The following UBR2 variants were observed in gnomAD, a reference collection of about 807,000 sequenced individuals.
UBR2 encodes the protein E3 ubiquitin-protein ligase UBR2.
Under a neutral mutation model 247.9 loss-of-function variants are expected in UBR2, and 92 were observed. The ratio of observed to expected loss-of-function variants is 0.37; its 90% CI spans 0.31 to 0.44. The LOEUF is 0.44. UBR2 is among the 20% of genes least tolerant of loss of function. UBR2 has a pLI of 1.00. For missense variants in UBR2, 1,613 were observed against 2,112.6 expected, an observed-to-expected ratio of 0.76 and a Z score of 4.64; for synonymous variants, 672 against 693.5, an observed-to-expected ratio of 0.97 and a Z score of 0.49.
rs745626813 is a variant in UBR2 at position 42,691,204 on chromosome 6, AT to A, written c.*38del. On this transcript the variant is annotated 3_prime_UTR_variant, in exon 47 of 47. Coordinates refer to ENST00000372901, the MANE Select transcript of UBR2 (RefSeq NM_001363705.2). Reference sequence around the variant, plus strand: ...GCACCACCAAAAAACACAAACTTGGATTTTTTTAACCCAGTTGGCTTTTTAA... The same window carrying A: ...GCACCACCAAAAAACACAAACTTGGATTTTTTAACCCAGTTGGCTTTTTAA... The A allele has an allele frequency of 6.2e-7, 1 of 1,605,886 alleles. No individual in the cohort carries two copies. Among genetic ancestry groups the A allele is most frequent in the Non-Finnish European group, 8.5e-7 (1 of 1,178,232 alleles).
intron 3 of UBR2, 87 bp downstream of exon 3, chr6:42,592,316 C>T: frequency 9.3e-7 from 1 of 1,076,800 alleles, no homozygotes; most frequent in Non-Finnish European, 1.3e-6. Context: ...AAAGATTTAA[C>T]ACTAAAATGG....
chr6:42,572,266 A>G (rs1350774097), intron 1 of UBR2, among the ~76,000 whole-genome samples: 1 of 152,160 alleles, frequency 6.6e-6, no homozygotes, highest in Non-Finnish European at 1.5e-5. Flanking sequence ...TATGAACAAA[A>G]TTTTTACATT....
At chr6:42,564,755 G>A (rs1453605090) in intron 1 of UBR2, among the ~76,000 whole-genome samples, 2 of 152,150 alleles carry the variant, frequency 1.3e-5, no homozygotes, top group African/African-American at 4.8e-5. Flanking sequence ...CGCTTCTTGT[G>A]TTTTTGGTAT....
intron 34 of UBR2, among the ~76,000 whole-genome samples, chr6:42,667,585 G>GTTTTTT (rs201449841): frequency 3.5e-5 from 1 of 28,966 alleles, no homozygotes; most frequent in African/African-American, 1.4e-4. Context: ...GTACAGTTTT[G>GTTTTTT]TCTTTTTTTT....
At chr6:42,581,045 G>C (rs1386888603) in intron 2 of UBR2, among the ~76,000 whole-genome samples, 1 of 75,234 alleles carries the variant, frequency 1.3e-5, no homozygotes, top group East Asian at 4.0e-4. Flanking sequence ...ACAGGGTTTT[G>C]CTCTATTGAC....
At chr6:42,640,069 A>G (rs1401671364) in intron 15 of UBR2, 140 bp from the exon 16 acceptor site, 5 of 664,498 alleles carry the variant, frequency 7.5e-6, no homozygotes, top group Non-Finnish European at 1.0e-5. Context: ...AATATAGATC[A>G]TTTTCTATCT....
chr6:42,667,320 A>AC (rs1798161720), intron 34 of UBR2, among the ~76,000 whole-genome samples: 1 of 151,366 alleles, frequency 6.6e-6, no homozygotes, highest in Non-Finnish European at 1.5e-5. Flanking sequence ...TGGGCGACAG[A>AC]CCAAGACCCT....
chr6:42,653,606 CTTTTTTTTT>C (rs72460060), intron 25 of UBR2, among the ~76,000 whole-genome samples: 1 of 50,582 alleles, frequency 2.0e-5, no homozygotes, highest in African/African-American at 9.0e-5. Flanking sequence ...ATGCTAAGCC[CTTTTTTTTT>C]TTTTTTTTTT....
In UBR2 at chr6:42,573,761, A is replaced by G; in HGVS notation, c.106A>G (p.Arg36Gly). Reference sequence around the variant, plus strand: ...ATGGCTGCAAGCAACTGACCTCACTAGAGAAGTGTACCAGCATTTAGCCCA... The same window carrying G: ...ATGGCTGCAAGCAACTGACCTCACTGGAGAAGTGTACCAGCATTTAGCCCA... ...GKWLQATDLT[R>G]EVYQHLAHYV... The change falls in exon 2 of 47, where the codon AGA becomes GGA. Residue 36 changes from arginine (R) to glycine (G), a missense_variant. By Grantham distance (125) the Arg-to-Gly change is moderately radical. Coordinates refer to ENST00000372901, the MANE Select transcript of UBR2 (RefSeq NM_001363705.2). 2 of 1,590,924 alleles carry G rather than the reference A, an allele frequency of 1.3e-6. No individual in the cohort carries two copies. The highest frequency in any genetic ancestry group is 1.7e-6 in the Non-Finnish European group (2 of 1,166,298).
At chr6:42,684,276 T>C (rs1218583617) in intron 43 of UBR2, among the ~76,000 whole-genome samples, 2 of 152,138 alleles carry the variant, frequency 1.3e-5, no homozygotes, top group Non-Finnish European at 2.9e-5. Context: ...GATTTTGATA[T>C]GATTAAGAAC....
rs1159309881 is a variant in UBR2, at chr6:42,684,780, TC to T, written c.4776-13del. The T allele has an allele frequency of 1.3e-6, 2 of 1,593,168 alleles. No individual in the cohort carries two copies. Among genetic ancestry groups the T allele is most frequent in the Non-Finnish European group, 1.7e-6 (2 of 1,166,332 alleles). ...AATTAATGGAGTGTTCTTTAATTTT[TC>T]TCTTTTTTTCAGATATCCAAGAGAA... On this transcript the variant is annotated splice_polypyrimidine_tract_variant and intron_variant, in intron 43 of 46. Coordinates refer to ENST00000372901, the MANE Select transcript of UBR2 (RefSeq NM_001363705.2).
At chr6:42,671,322 A>G (rs748006844) in intron 36 of UBR2, among the ~76,000 whole-genome samples, 2 of 151,910 alleles carry the variant, frequency 1.3e-5, no homozygotes, top group Non-Finnish European at 2.9e-5. Flanking sequence ...AGTTGGGAAG[A>G]TCACTGGAGC....
intron 10 of UBR2, chr6:42,617,127 T>C (rs539540817): frequency 2.4e-5 from 20 of 834,242 alleles, no homozygotes; most frequent in African/African-American, 2.2e-4. Flanking sequence ...ATTCCAGTTA[T>C]TGTTCTCATA....
intron 11 of UBR2, among the ~76,000 whole-genome samples, chr6:42,631,860 T>TTTTATATATATATA (rs1795734186): frequency 6.5e-5 from 4 of 61,508 alleles, no homozygotes; most frequent in Admixed American, 1.9e-4. Flanking sequence ...TACTCTGATT[T>TTTTATATATATATA]TATATATATA....
At chr6:42,569,716 T>C (rs1420014299) in intron 1 of UBR2, among the ~76,000 whole-genome samples, 2 of 152,218 alleles carry the variant, frequency 1.3e-5, no homozygotes, top group African/African-American at 4.8e-5. Context: ...TATAGAATAA[T>C]AGAGACTGTA....
chr6:42,630,629 G>C (rs1417498030), intron 11 of UBR2, among the ~76,000 whole-genome samples: 1 of 151,936 alleles, frequency 6.6e-6, no homozygotes, highest in Non-Finnish European at 1.5e-5. Context: ...TAACAATATC[G>C]TCTCTCCACC....
chr6:42,617,823 A>T (rs1794659076), intron 11 of UBR2, among the ~76,000 whole-genome samples: 1 of 152,172 alleles, frequency 6.6e-6, no homozygotes, highest in South Asian at 2.1e-4. Flanking sequence ...GATTTCACAA[A>T]TTATCCTTCA....
At chr6:42,614,424 A>ATATATACG (rs74187423) in intron 8 of UBR2, among the ~76,000 whole-genome samples, 45,493 of 83,814 alleles carry the variant, frequency 0.54, 15,297 homozygotes, top group East Asian at 0.76. Flanking sequence ...ACGTACGTAC[A>ATATATACG]TATATATGTA....
chr6:42,662,126 G>A, intron 30 of UBR2, 58 bp from the exon 31 acceptor site: 2 of 1,126,866 alleles, frequency 1.8e-6, no homozygotes, highest in South Asian at 1.4e-5. Flanking sequence ...TTACACATTT[G>A]TTATAGGAAA....
Sources: gnomAD v4.1 joint callset for allele counts (sites outside exome capture counted in the v4.1 genomes callset) on GRCh38, gnomAD v4.1.1 for gene constraint, MANE v1.5 for transcripts, NCBI Gene and HGNC (gene_info 2026-07-23, HGNC 2026-07-21) for gene names.